Variants in ZRANB1 observed in about 807,000 individuals in gnomAD.
The protein encoded by ZRANB1 is ubiquitin thioesterase ZRANB1.
Under a neutral mutation model 80.5 loss-of-function variants are expected in ZRANB1, and 16 were observed. The observed-to-expected ratio is 0.20, with a 90% confidence interval of 0.13 to 0.30. ZRANB1 has a LOEUF of 0.30. ZRANB1 is among the 10% of genes least tolerant of loss of function. The pLI is 1.00. For synonymous variants in ZRANB1, 291 were observed against 293.1 expected (o/e 0.99, Z 0.07); for missense variants, 576 against 862.6 (o/e 0.67, Z 4.16).
At chr10:124,923,571 C>T in the ZRANB1 span, among the ~76,000 whole-genome samples, 2 of 151,616 alleles carry the variant, frequency 1.3e-5, no homozygotes, top group East Asian at 1.9e-4. Context: ...CAGCCTGCCT[C>T]GGAAGAAAAG....
intron 1 of ZRANB1, among the ~76,000 whole-genome samples, chr10:124,957,894 A>G (rs577707833): frequency 3.9e-4 from 60 of 151,976 alleles, no homozygotes; most frequent in African/African-American, 1.4e-3. Context: ...ATGTGTGTCT[A>G]ATTTTTGTAT....
chr10:124,970,100 G>A (rs1951809565), intron 2 of ZRANB1, among the ~76,000 whole-genome samples: 1 of 152,136 alleles, frequency 6.6e-6, no homozygotes. Context: ...TTGAGAAATA[G>A]TCAATTATAT....
chr10:124,944,575 T>A (rs1041111324), intron 1 of ZRANB1, among the ~76,000 whole-genome samples: 10 of 128,432 alleles, frequency 7.8e-5, no homozygotes, highest in Admixed American at 3.0e-4. Flanking sequence ...AGCCTCAACC[T>A]CCTGGGTTCA....
In ZRANB1 at chr10:124,973,679, A is replaced by T. The variant is rs1296844820; in HGVS notation, c.1191A>T (p.Lys397Asn). Residue 397 changes from lysine to asparagine, a missense_variant, in exon 4 of 9, where the codon AAA becomes AAT. Lys to Asn is a moderately conservative substitution (Grantham distance 94). Coordinates refer to ENST00000359653, the MANE Select transcript of ZRANB1 (RefSeq NM_017580.3). ...ATTTGCCCCCAACAGTCCAAGAAAA[A>T]TTATTTGATGAGGTGCTTGATAGAG... ...IEDLPPTVQE[K>N]LFDEVLDRDV... The T allele has an allele frequency of 1.9e-6, 3 of 1,612,910 alleles. No homozygotes were observed. The highest frequency in any genetic ancestry group is 2.5e-6 in the Non-Finnish European group (3 of 1,179,726).
chr10:124,928,129 G>A, the ZRANB1 span, among the ~76,000 whole-genome samples: 23 of 152,314 alleles, frequency 1.5e-4, no homozygotes, highest in South Asian at 3.9e-3. Flanking sequence ...GAACATTTAA[G>A]CTGGTCCTTG....
chr10:124,957,267 T>C (rs1188561754), intron 1 of ZRANB1, among the ~76,000 whole-genome samples: 1 of 152,132 alleles, frequency 6.6e-6, no homozygotes, highest in Non-Finnish European at 1.5e-5. Context: ...TATGATTAGA[T>C]TCAGTTTAAA....
chr10:124,916,904 G>A, the ZRANB1 span, among the ~76,000 whole-genome samples: 1 of 151,918 alleles, frequency 6.6e-6, no homozygotes. Flanking sequence ...ATTTGGCTCC[G>A]GGTCCCTCGG....
Position 124,966,710 on chromosome 10 carries a change from G to A in ZRANB1, c.931G>A (p.Val311Ile). The A allele has an allele frequency of 1.9e-6, 3 of 1,614,168 alleles. No individual in the cohort carries two copies. The highest frequency in any genetic ancestry group is 2.5e-6 in the Non-Finnish European group (3 of 1,180,026). ...RLLNRPSAFD[V>I]GYTLVHLAIR... Reference sequence around the variant, plus strand: ...GCTGAATCGTCCTTCTGCCTTTGATGTTGGCTATACTCTTGTACACTTGGC... The same window carrying A: ...GCTGAATCGTCCTTCTGCCTTTGATATTGGCTATACTCTTGTACACTTGGC... Residue 311 changes from valine to isoleucine, a missense_variant, in exon 2 of 9, where the codon GTT (valine) becomes ATT (isoleucine). Coordinates refer to ENST00000359653, the MANE Select transcript of ZRANB1 (RefSeq NM_017580.3).
chr10:124,983,654 A>C lies in ZRANB1; in HGVS notation c.1874A>C (p.Lys625Thr), dbSNP rs1203373140. ...TFLPLVDSER[K>T]LLHVHFLSAQ... ...TTGCCTCTGGTTGACAGTGAAAGGAAGCTACTCCATGTGCACTTCCTTTCT... is the reference window on the plus strand; with the variant it reads ...TTGCCTCTGGTTGACAGTGAAAGGACGCTACTCCATGTGCACTTCCTTTCT... The change falls in exon 8 of 9, where the codon AAG (lysine) becomes ACG (threonine). Residue 625 changes from lysine to threonine, a missense_variant. Lys to Thr is a moderately conservative substitution (Grantham distance 78). This residue lies in a region of ZRANB1 where 152 missense variants were observed against 221.9 expected (regional missense o/e 0.69). Coordinates refer to ENST00000359653, the MANE Select transcript of ZRANB1 (RefSeq NM_017580.3). This position sits in a 1 kb window ranked among gnomAD's most constrained non-coding sequence, Gnocchi z 6.2. 6.2e-7 allele frequency: 1 copy of C among 1,608,052 alleles called. No homozygotes were observed. Among genetic ancestry groups the C allele is most frequent in the Admixed American group, 1.7e-5 (1 of 58,836 alleles).
intron 8 of ZRANB1, chr10:124,984,481 G>A (rs1589859487): frequency 3.0e-6 from 1 of 328,736 alleles, no homozygotes; most frequent in Non-Finnish European, 5.5e-6. Flanking sequence ...GCTGTGGCTT[G>A]CCAGGATCAG....
intron 1 of ZRANB1, among the ~76,000 whole-genome samples, chr10:124,951,903 G>A (rs917386861): frequency 2.6e-5 from 4 of 152,092 alleles, no homozygotes; most frequent in African/African-American, 9.7e-5. Context: ...GTTGCAGTGA[G>A]CTGAGATCAT....
intron 5 of ZRANB1, among the ~76,000 whole-genome samples, 175 bp downstream of exon 5, chr10:124,974,573 C>T (rs112908507): frequency 1.2e-4 from 18 of 152,186 alleles, no homozygotes; most frequent in African/African-American, 3.9e-4. Context: ...TTTTGTTTTT[C>T]CCCCAAGAAA....
intron 1 of ZRANB1, among the ~76,000 whole-genome samples, chr10:124,950,656 C>T (rs1253950443): frequency 3.3e-5 from 5 of 152,076 alleles, no homozygotes; most frequent in African/African-American, 1.2e-4. Flanking sequence ...CCAAGTGTAA[C>T]TCTAGAAATA....
intron 1 of ZRANB1, among the ~76,000 whole-genome samples, chr10:124,963,500 C>G (rs1386055061): frequency 7.0e-6 from 1 of 143,034 alleles, no homozygotes; most frequent in African/African-American, 2.6e-5. Flanking sequence ...AAAAGGTGCT[C>G]AAAGTGTAAT....
chr10:124,974,342 C>G lies in ZRANB1; in HGVS notation c.1371C>G (p.Asp457Glu). Residue 457 changes from aspartate (D) to glutamate (E), a missense_variant, in exon 5 of 9, where the codon GAC (aspartate) becomes GAG (glutamate). Asp to Glu is a conservative substitution (Grantham distance 45). This residue lies in a region of ZRANB1 where 411 missense variants were observed against 583.1 expected (regional missense o/e 0.70). Transcript: ENST00000359653. ...SVLQATWGIY[D>E]KDSVLRKALH... ...TACAAGCTACCTGGGGCATCTATGA[C>G]AAGGACTCAGTGCTTCGGAAAGCCC... 1 of 1,614,272 alleles carries G rather than the reference C, an allele frequency of 6.2e-7. No homozygotes were observed. The highest frequency in any genetic ancestry group is 8.5e-7 in the Non-Finnish European group (1 of 1,180,048).
chr10:124,936,235 G>A, the ZRANB1 span, among the ~76,000 whole-genome samples: 1 of 152,196 alleles, frequency 6.6e-6, no homozygotes, highest in Non-Finnish European at 1.5e-5. Flanking sequence ...GCCTCAGAAA[G>A]AGAATTGTGG....
At chr10:124,969,700 TAAGAA>T (rs1415339182) in intron 2 of ZRANB1, among the ~76,000 whole-genome samples, 1 of 152,192 alleles carries the variant, frequency 6.6e-6, no homozygotes, top group Non-Finnish European at 1.5e-5. Context: ...TTGTGATATA[TAAGAA>T]AATACATTTT....
At chr10:124,959,619 A>G (rs1280169272) in intron 1 of ZRANB1, among the ~76,000 whole-genome samples, 1 of 152,106 alleles carries the variant, frequency 6.6e-6, no homozygotes, top group Admixed American at 6.5e-5. Flanking sequence ...GGTGCATGCC[A>G]GCACGCCTGG....
At chr10:124,926,677 A>G in the ZRANB1 span, among the ~76,000 whole-genome samples, 28 of 152,338 alleles carry the variant, frequency 1.8e-4, no homozygotes, top group African/African-American at 4.6e-4. Flanking sequence ...AATAAAAAGT[A>G]TAGTAAACAA....
Sources: allele counts gnomAD v4.1 joint callset (sites outside exome capture counted in the v4.1 genomes callset), GRCh38; gene constraint gnomAD v4.1.1; regional missense constraint gnomAD v4.1.1; non-coding constraint Gnocchi (gnomAD v3.1); transcripts MANE v1.5; gene names NCBI Gene and HGNC (gene_info 2026-07-23, HGNC 2026-07-21).